The following MCF2L2 variants were observed in gnomAD, a reference collection of about 807,000 sequenced individuals.
MCF2L2 encodes the protein probable guanine nucleotide exchange factor MCF2L2.
A neutral mutation model predicts 150.2 loss-of-function variants in MCF2L2; 102 were observed. The ratio of observed to expected loss-of-function variants is 0.68; its 90% CI spans 0.58 to 0.80. The LOEUF (loss-of-function observed/expected upper bound fraction) is 0.80, where lower values mean the gene tolerates loss of function less well. Among genes scored for constraint, MCF2L2 ranks in the 30% least tolerant of loss-of-function variants. The pLI is 0.00. For synonymous variants in MCF2L2, 465 were observed against 491.3 expected, an observed-to-expected ratio of 0.95 and a Z score of 0.71; for missense variants, 1,256 against 1,372.8, an observed-to-expected ratio of 0.91 and a Z score of 1.34.
At chr3:183,390,957 T>C (rs953032156) in intron 1 of MCF2L2, among the ~76,000 whole-genome samples, 1 of 152,338 alleles carries the variant, frequency 6.6e-6, no homozygotes, top group Non-Finnish European at 1.5e-5. Context: ...TTATTGTTTC[T>C]ACAGGAGTTA....
At chr3:183,207,972 C>A (rs1722559064) in intron 22 of MCF2L2, 149 bp from the exon 23 acceptor site, 1 of 643,066 alleles carries the variant, frequency 1.6e-6, no homozygotes. Flanking sequence ...GTCACTAAAT[C>A]AAAACGACAA....
rs550524417 is a variant in MCF2L2, at chr3:183,324,688, G to A, written c.487-1337C>T. ...TTTGAGGCTCCAATGAGCTGTGATCGCATCACTGCACTCCAGACTGGGTGA... is the reference window on the plus strand; with the variant it reads ...TTTGAGGCTCCAATGAGCTGTGATCACATCACTGCACTCCAGACTGGGTGA... On this transcript the variant is annotated intron_variant, in intron 5 of 29. Transcript: ENST00000328913. 7.9e-5 allele frequency among the ~76,000 whole-genome samples: 12 copies of A among 151,904 alleles called. No homozygotes were observed. The East Asian group carries it at 1.2e-3, about 15-fold the overall frequency.
At chr3:183,205,247 C>T (rs927771985) in intron 25 of MCF2L2, among the ~76,000 whole-genome samples, 1 of 152,002 alleles carries the variant, frequency 6.6e-6, no homozygotes. Context: ...GGCGTGTTGG[C>T]GCGCCTGTAG....
At chr3:183,340,197 T>C (rs9861381) in intron 4 of MCF2L2, among the ~76,000 whole-genome samples, 5,860 of 152,282 alleles carry the variant, frequency 0.038, 377 homozygotes, top group African/African-American at 0.13. Context: ...AGACGGAAAG[T>C]ATTAGCTGAG....
chr3:183,288,946 G>A (rs1019758840), intron 14 of MCF2L2, among the ~76,000 whole-genome samples, 174 bp downstream of exon 14: 37 of 152,110 alleles, frequency 2.4e-4, no homozygotes, highest in Admixed American at 1.0e-3. Flanking sequence ...TAAGAAGAAA[G>A]AAAAGGATGA....
Position 183,389,712 on chromosome 3 carries a change from T to C in MCF2L2, c.144A>G (p.Gln48=), listed in dbSNP as rs1714033905. The part of the protein sequence containing the change: ...AVEIIEQLHR[Q]FAILSGGRGE... ...GCCCCTTACCTGAAAGAATGGCAAATTGTCTGTGAAGTTGTTCTATTATCT... is the reference window on the plus strand; with the variant it reads ...GCCCCTTACCTGAAAGAATGGCAAACTGTCTGTGAAGTTGTTCTATTATCT... Residue 48 remains glutamine (Q), a synonymous_variant, in exon 2 of 30, where the codon CAA becomes CAG. Coordinates refer to ENST00000328913, the MANE Select transcript of MCF2L2 (RefSeq NM_015078.4). The C allele has an allele frequency of 1.2e-6, 2 of 1,614,052 alleles. No homozygotes were observed. Among genetic ancestry groups the C allele is most frequent in the Non-Finnish European group, 1.7e-6 (2 of 1,179,948 alleles).
chr3:183,256,999 A>G (rs1175068028), intron 15 of MCF2L2, among the ~76,000 whole-genome samples: 1 of 152,152 alleles, frequency 6.6e-6, no homozygotes, highest in African/African-American at 2.4e-5. Flanking sequence ...CTACCTAATT[A>G]ATGTTTTTTG....
chr3:183,331,896 C>T (rs1054876270), intron 5 of MCF2L2, among the ~76,000 whole-genome samples: 11 of 152,134 alleles, frequency 7.2e-5, no homozygotes, highest in African/African-American at 2.7e-4. Flanking sequence ...CCATTTACTA[C>T]ATGAAAGTAC....
chr3:183,364,332 C>T (rs376927321), intron 3 of MCF2L2, among the ~76,000 whole-genome samples: 67 of 151,732 alleles, frequency 4.4e-4, no homozygotes, highest in Middle Eastern at 3.4e-3. Flanking sequence ...CTGGCTAACA[C>T]GGTGAAACCC....
Position 183,410,271 on chromosome 3 carries a change from A to G in MCF2L2, c.76+17631T>C, listed in dbSNP as rs149132963. ...ACTTCAGCCTCCAAACTCTCACAGC[A>G]CTATCTATATTGGCAATTGATCAAG... On this transcript the variant is annotated intron_variant, in intron 1 of 29. Transcript: ENST00000328913. Among the ~76,000 whole-genome samples, 128 of 152,282 alleles carry G rather than the reference A, an allele frequency of 8.4e-4. 2 individuals carry two copies. In the East Asian group the frequency reaches 0.016, roughly 19 times the overall value.
chr3:183,367,526 G>A (rs1326811748), intron 3 of MCF2L2, among the ~76,000 whole-genome samples: 3 of 152,048 alleles, frequency 2.0e-5, no homozygotes, highest in Admixed American at 1.3e-4. Flanking sequence ...CACTGTGCCC[G>A]GCCTACTGAT....
intron 5 of MCF2L2, among the ~76,000 whole-genome samples, chr3:183,328,169 G>A (rs984954908): frequency 4.6e-5 from 7 of 152,206 alleles, no homozygotes; most frequent in African/African-American, 1.4e-4. Context: ...TGGAGACAGC[G>A]TGGAAGCTCT....
At chr3:183,276,816 C>T (rs567597927) in intron 15 of MCF2L2, 56 bp downstream of exon 15, 13 of 1,245,436 alleles carry the variant, frequency 1.0e-5, no homozygotes, top group African/African-American at 7.4e-5. Context: ...AGAGGATCCT[C>T]GCCACCCATG....
In MCF2L2 at chr3:183,270,899, T is replaced by C. The variant is rs200134153; in HGVS notation, c.1862+5973A>G. On this transcript the variant is annotated intron_variant, in intron 15 of 29. Transcript: ENST00000328913. The surrounding 1 kb of genome is among the most constrained non-coding windows in gnomAD (Gnocchi z 4.5). ...TAATTCTCCTTTGTAAAATTAGCTA[T>C]GTGGACACATACCCTTGTAGGGCTG... is the stretch of plus-strand genomic sequence containing the variant. The C allele has an allele frequency of 4.3e-5, 69 of 1,605,322 alleles. No individual in the cohort carries two copies. Among genetic ancestry groups the C allele is most frequent in the Non-Finnish European group, 5.9e-5 (69 of 1,176,552 alleles).
intron 5 of MCF2L2, among the ~76,000 whole-genome samples, chr3:183,336,393 T>C (rs1362987370): frequency 6.6e-6 from 1 of 152,142 alleles, no homozygotes; most frequent in Non-Finnish European, 1.5e-5. Context: ...CAACTAAACA[T>C]AAAACATCCA....
At chr3:183,382,705 ATAACT>A (rs1184445247) in intron 2 of MCF2L2, among the ~76,000 whole-genome samples, 2 of 152,232 alleles carry the variant, frequency 1.3e-5, no homozygotes, top group African/African-American at 4.8e-5. Context: ...AAGTAAAATG[ATAACT>A]TAAAATAAAC....
chr3:183,345,710 A>G lies in MCF2L2; in HGVS notation c.276-4080T>C, dbSNP rs1184343014. On this transcript the variant is annotated intron_variant, in intron 3 of 29. Transcript: ENST00000328913. Reference sequence around the variant, plus strand: ...AGAAGAAAAGAGAGAAGAAACAAATAGACACAATAAAAAGTGATAAAGGGG... The same window carrying G: ...AGAAGAAAAGAGAGAAGAAACAAATGGACACAATAAAAAGTGATAAAGGGG... Among the ~76,000 whole-genome samples the G allele has an allele frequency of 3.9e-5, 6 of 152,350 alleles. No individual in the cohort carries two copies. In the South Asian group the frequency reaches 1.0e-3, roughly 26 times the overall value.
At chr3:183,216,129 G>A in intron 21 of MCF2L2, 35 bp from the exon 22 acceptor site, 12 of 1,608,082 alleles carry the variant, frequency 7.5e-6, no homozygotes, top group Non-Finnish European at 9.3e-6. Context: ...GAAATCAAAA[G>A]TATACCATCT....
chr3:183,202,673 C>A (rs1182279998), intron 25 of MCF2L2, among the ~76,000 whole-genome samples: 1 of 152,220 alleles, frequency 6.6e-6, no homozygotes, highest in Non-Finnish European at 1.5e-5. Flanking sequence ...ACTAAGCTAA[C>A]TGAACAGAGG....
Sources: allele counts gnomAD v4.1 joint callset (sites outside exome capture counted in the v4.1 genomes callset), GRCh38; gene constraint gnomAD v4.1.1; non-coding constraint Gnocchi (gnomAD v3.1); transcripts MANE v1.5; gene names NCBI Gene and HGNC (gene_info 2026-07-23, HGNC 2026-07-21).